Variants in KALRN observed in about 807,000 individuals in gnomAD.
The protein encoded by KALRN is kalirin RhoGEF kinase, also known as kalirin.
Under a neutral mutation model 353.7 loss-of-function variants are expected in KALRN, and 70 were observed. The ratio of observed to expected loss-of-function variants is 0.20; its 90% confidence interval spans 0.16 to 0.24. KALRN has a LOEUF of 0.24. Among genes scored for constraint, KALRN ranks in the 10% least tolerant of loss-of-function variants. The pLI, the probability that KALRN is intolerant of heterozygous loss-of-function variation, is 1.00. For missense variants in KALRN, 2,791 were observed against 3,756.7 expected, an observed-to-expected ratio of 0.74 and a Z score of 6.72; for synonymous variants, 1,391 against 1,434.8, an observed-to-expected ratio of 0.97 and a Z score of 0.69.
intron 35 of KALRN, among the ~76,000 whole-genome samples, chr3:124,633,318 G>T (rs1207018526): frequency 3.3e-5 from 5 of 152,238 alleles, no homozygotes; most frequent in African/African-American, 1.2e-4. Flanking sequence ...ATGAAGCTGA[G>T]ATTCTGTAAC....
intron 9 of KALRN, among the ~76,000 whole-genome samples, chr3:124,340,077 C>G (rs1248829479): frequency 1.3e-5 from 2 of 152,162 alleles, no homozygotes; most frequent in Admixed American, 1.3e-4. Context: ...AGCAGCAAAT[C>G]AAATGAACCC....
chr3:124,267,534 C>T (rs2073705298), intron 4 of KALRN, among the ~76,000 whole-genome samples: 2 of 152,156 alleles, frequency 1.3e-5, no homozygotes, highest in South Asian at 2.1e-4. Context: ...TCCCATTTAG[C>T]CAATTAAATC....
At chr3:124,174,625 G>T (rs534506631) in intron 1 of KALRN, among the ~76,000 whole-genome samples, 38 of 152,226 alleles carry the variant, frequency 2.5e-4, no homozygotes, top group African/African-American at 8.7e-4. Context: ...GTCCTTAATC[G>T]CATCTGTCTC....
At chr3:124,084,458 C>T (rs1577900099) in intron 1 of KALRN, among the ~76,000 whole-genome samples, 1 of 152,360 alleles carries the variant, frequency 6.6e-6, no homozygotes, top group East Asian at 1.9e-4. Context: ...CAGCAGCCTC[C>T]TCACTGCCTG....
At chr3:124,407,567 A>G (rs2091703635) in intron 13 of KALRN, 1 of 152,170 alleles carries the variant, frequency 6.6e-6, no homozygotes, top group Non-Finnish European at 1.5e-5. Flanking sequence ...TGTGTTTCCT[A>G]TTCATGACAA....
At chr3:124,099,335 A>G (rs1256028724) in intron 1 of KALRN, 1 of 152,216 alleles carries the variant, frequency 6.6e-6, no homozygotes, top group Admixed American at 6.5e-5. Flanking sequence ...TACCTGGCTT[A>G]TTTCACTTAA....
intron 51 of KALRN, among the ~76,000 whole-genome samples, chr3:124,686,208 A>C (rs1433452497): frequency 6.6e-6 from 1 of 152,186 alleles, no homozygotes; most frequent in Non-Finnish European, 1.5e-5. Flanking sequence ...CATTCTGTGG[A>C]TATTTATGCA....
chr3:124,145,565 T>C (rs920779820), intron 1 of KALRN, among the ~76,000 whole-genome samples: 4 of 152,220 alleles, frequency 2.6e-5, no homozygotes, highest in Non-Finnish European at 5.9e-5. Context: ...TGACCAAAGG[T>C]GTGACTTGCA....
chr3:124,696,174 C>T lies in KALRN; in HGVS notation c.7618C>T (p.Pro2540Ser). 1 of 1,613,768 alleles carries T rather than the reference C, an allele frequency of 6.2e-7. No homozygotes were observed. The highest frequency in any genetic ancestry group is 2.2e-5 in the East Asian group (1 of 44,890). ...EITLKICNLM[P>S]QDSGIYTCIA... Reference sequence around the variant, plus strand: ...CACCCTGAAGATCTGTAATCTGATGCCCCAAGACAGTGGGATTTATACCTG... The same window carrying T: ...CACCCTGAAGATCTGTAATCTGATGTCCCAAGACAGTGGGATTTATACCTG... The change falls in exon 54 of 60, where the codon CCC becomes TCC. Residue 2540 changes from proline (P) to serine (S), a missense_variant. Transcript: ENST00000682506.
rs138278993 is a variant in KALRN at position 124,642,501 on chromosome 3, T to C, written c.5664+5198T>C. On this transcript the variant is annotated intron_variant, in intron 37 of 59. Transcript: ENST00000682506. ...TTGGTGGCCTGGCACCCTGAGAATG[T>C]GCCCTACCTGCTTCAGCAAGACTTT... Among the ~76,000 whole-genome samples, 27 of 152,226 alleles carry C rather than the reference T, an allele frequency of 1.8e-4. No individual in the cohort carries two copies. In the East Asian group the frequency reaches 5.1e-3, roughly 28 times the overall value.
chr3:124,477,351 A>G lies in KALRN; in HGVS notation c.4191+17A>G. On this transcript the variant is annotated intron_variant, in intron 27 of 59. Transcript: ENST00000682506. ...TTCTTTGATGTAAGCTGTGTTTTCC[A>G]TTCTTGAGCAGCTGATGAGCAGGTG... is the stretch of plus-strand genomic sequence containing the variant. 6.3e-7 allele frequency: 1 copy of G among 1,576,702 alleles called. No homozygotes were observed. The highest frequency in any genetic ancestry group is 1.1e-5 in the South Asian group (1 of 90,052).
rs1233369165 is a variant in KALRN, at chr3:124,723,911, C to T, written c.*4441C>T. 2.6e-5 allele frequency: 4 copies of T among 152,146 alleles called. No individual in the cohort carries two copies. The highest frequency in any genetic ancestry group is 7.2e-5 in the African/African-American group (3 of 41,446). 9.4% of individuals were successfully genotyped at this position (152,146 alleles called of 1,614,324 possible). A position where few individuals can be genotyped will look rare whatever the true frequency, so the allele number is the denominator to read the frequency against. The stretch of plus-strand genomic sequence containing the variant: ...CAGAAGTGAGAAGAAAATATCTTCT[C>T]ATACCACAATTTATTTTTCACAGCC... On this transcript the variant is annotated 3_prime_UTR_variant, in exon 60 of 60. Coordinates refer to ENST00000682506, the MANE Select transcript of KALRN (RefSeq NM_001388419.1).
At chr3:124,601,918 C>T (rs987624801) in intron 34 of KALRN, among the ~76,000 whole-genome samples, 1 of 151,386 alleles carries the variant, frequency 6.6e-6, no homozygotes, top group Non-Finnish European at 1.5e-5. Flanking sequence ...CCCAGCTACT[C>T]AGTAGGCTGA....
chr3:124,259,710 T>C (rs1448916799), intron 3 of KALRN, among the ~76,000 whole-genome samples: 3 of 152,304 alleles, frequency 2.0e-5, no homozygotes, highest in Admixed American at 2.0e-4. Flanking sequence ...AATAAAAACT[T>C]CCTGCCCTTA....
At chr3:124,466,841 T>C (rs185569078) in intron 25 of KALRN, among the ~76,000 whole-genome samples, 1 of 152,354 alleles carries the variant, frequency 6.6e-6, no homozygotes, top group African/African-American at 2.4e-5. Flanking sequence ...CAATGGTGGC[T>C]GCCACATCTG....
At chr3:124,054,100 T>A (rs1256305261) in intron 1 of KALRN, among the ~76,000 whole-genome samples, 1 of 152,196 alleles carries the variant, frequency 6.6e-6, no homozygotes, top group Non-Finnish European at 1.5e-5. Flanking sequence ...ATATGCTTTG[T>A]GACTGTTTCT....
intron 1 of KALRN, among the ~76,000 whole-genome samples, chr3:124,113,742 G>A (rs944444463): frequency 2.0e-5 from 3 of 152,362 alleles, no homozygotes; most frequent in Admixed American, 6.5e-5. Context: ...CTCAGCCTGC[G>A]AGGCTCAAGG....
chr3:124,286,078 C>CTTTCCTTTCTTT (rs1325238279), intron 5 of KALRN, among the ~76,000 whole-genome samples: 1 of 107,010 alleles, frequency 9.3e-6, no homozygotes, highest in African/African-American at 3.8e-5. Context: ...TTCTTTCTTT[C>CTTTCCTTTCTTT]CTTCCTTTCT....
Position 124,637,244 on chromosome 3 carries a change from G to A in KALRN, c.5605G>A (p.Glu1869Lys). Residue 1869 changes from glutamate to lysine, a missense_variant, in exon 37 of 60, where the codon GAA becomes AAA. By Grantham distance (56) the Glu-to-Lys change is moderately conservative (BLOSUM62 1). Around this residue, in one of 11 missense-constraint regions of KALRN, gnomAD observed 1,065 missense variants for 1,156.4 expected, o/e 0.92. Transcript: ENST00000682506. Reference sequence around the variant, plus strand: ...GCTAGCAGCCCGGCAGGCTTCCACTGAAGTACCTACTGCTGCAGACCTTGT... The same window carrying A: ...GCTAGCAGCCCGGCAGGCTTCCACTAAAGTACCTACTGCTGCAGACCTTGT... ...SLLAARQAST[E>K]VPTAADLVNA... The A allele has an allele frequency of 6.2e-7, 1 of 1,614,154 alleles. No individual in the cohort carries two copies. Among genetic ancestry groups the A allele is most frequent in the Non-Finnish European group, 8.5e-7 (1 of 1,180,024 alleles).
Sources: allele counts gnomAD v4.1 joint callset (sites outside exome capture counted in the v4.1 genomes callset), GRCh38; gene constraint gnomAD v4.1.1; regional missense constraint gnomAD v4.1.1; transcripts MANE v1.5; gene names NCBI Gene and HGNC (gene_info 2026-07-23, HGNC 2026-07-21).